Variants in GALNT17 observed in about 807,000 individuals in gnomAD.
GALNT17 encodes the protein UDP-GalNAc:polypeptide N-acetylgalactosaminyltransferase-like 3.
In GALNT17, 29 loss-of-function variants were observed where a neutral mutation model predicts 63.7. That is an observed-to-expected ratio of 0.46 (90% CI 0.34 to 0.62). GALNT17 has a LOEUF of 0.62. Among genes scored for constraint, GALNT17 ranks in the 20% least tolerant of loss-of-function variants. The pLI is 0.01. For missense variants in GALNT17, 603 were observed against 799.6 expected, an observed-to-expected ratio of 0.75 and a Z score of 2.97; for synonymous variants, 305 against 318.3, an observed-to-expected ratio of 0.96 and a Z score of 0.45.
chr7:71,450,271 A>T (rs1787236430), intron 5 of GALNT17, among the ~76,000 whole-genome samples: 1 of 151,608 alleles, frequency 6.6e-6, no homozygotes, highest in African/African-American at 2.4e-5. Context: ...GAGTAGTGGC[A>T]TTACAGGCAT....
At chr7:71,463,058 G>A (rs1787477859) in intron 5 of GALNT17, among the ~76,000 whole-genome samples, 1 of 152,162 alleles carries the variant, frequency 6.6e-6, no homozygotes, top group African/African-American at 2.4e-5. Context: ...GGTGGTTAGG[G>A]GTTTTGAGGG....
At chr7:71,509,806 C>T (rs747607100) in intron 5 of GALNT17, among the ~76,000 whole-genome samples, 16 of 152,084 alleles carry the variant, frequency 1.1e-4, no homozygotes, top group Admixed American at 2.0e-4. Flanking sequence ...TTCAACCTGC[C>T]GGAGATCCCC....
chr7:71,499,391 A>C (rs1195742725), intron 5 of GALNT17, among the ~76,000 whole-genome samples: 1 of 152,178 alleles, frequency 6.6e-6, no homozygotes, highest in African/African-American at 2.4e-5. Flanking sequence ...CGAGACCTCC[A>C]TGTCTACAAA....
At chr7:71,363,713 G>C (rs894817892) in intron 2 of GALNT17, among the ~76,000 whole-genome samples, 2 of 152,232 alleles carry the variant, frequency 1.3e-5, no homozygotes, top group East Asian at 3.8e-4. Context: ...GAGCAAAGAA[G>C]GATTCGCAGA....
At chr7:71,624,275 G>A (rs190078661) in intron 6 of GALNT17, among the ~76,000 whole-genome samples, 1 of 152,278 alleles carries the variant, frequency 6.6e-6, no homozygotes, top group East Asian at 1.9e-4. Flanking sequence ...CTCACACCAG[G>A]GCCTAGGATC....
At chr7:71,467,513 T>A (rs893541390) in intron 5 of GALNT17, among the ~76,000 whole-genome samples, 1 of 152,070 alleles carries the variant, frequency 6.6e-6, no homozygotes, top group Non-Finnish European at 1.5e-5. Context: ...CAAGGGACAA[T>A]TGCAAAAGCA....
intron 6 of GALNT17, among the ~76,000 whole-genome samples, chr7:71,595,302 T>G (rs549013320): frequency 1.7e-4 from 26 of 152,166 alleles, no homozygotes; most frequent in African/African-American, 6.3e-4. Context: ...TGGTGTCACA[T>G]GTCTGTAGTC....
chr7:71,281,788 C>G (rs1451086466), intron 1 of GALNT17, among the ~76,000 whole-genome samples: 2 of 152,160 alleles, frequency 1.3e-5, no homozygotes, highest in African/African-American at 4.8e-5. Flanking sequence ...TCCATTTTGA[C>G]CTAACCACCT....
At chr7:71,593,119 C>T (rs1170256891) in intron 6 of GALNT17, among the ~76,000 whole-genome samples, 1 of 151,230 alleles carries the variant, frequency 6.6e-6, no homozygotes, top group Admixed American at 6.6e-5. Flanking sequence ...CCTTGCACTG[C>T]AGTCTAGGCA....
chr7:71,665,601 G>A lies in GALNT17; in HGVS notation c.1266+5G>A. On this transcript the variant is annotated splice_donor_5th_base_variant and intron_variant, in intron 7 of 10. Transcript: ENST00000333538. ...GCGTGGAACCTGCCGCTGGAGGTAG[G>A]GATCACCAGCCTTTCCCCACCACCC... 6.2e-7 allele frequency: 1 copy of A among 1,611,296 alleles called. No homozygotes were observed. Among genetic ancestry groups the A allele is most frequent in the Non-Finnish European group, 8.5e-7 (1 of 1,179,098 alleles).
intron 6 of GALNT17, among the ~76,000 whole-genome samples, chr7:71,589,779 C>T (rs1789771716): frequency 6.6e-6 from 1 of 152,132 alleles, no homozygotes; most frequent in Admixed American, 6.6e-5. Flanking sequence ...ATAAATAGAA[C>T]AGCCGGAACT....
At chr7:71,201,725 G>A (rs746264991) in intron 1 of GALNT17, among the ~76,000 whole-genome samples, 4 of 151,128 alleles carry the variant, frequency 2.6e-5, no homozygotes, top group Admixed American at 6.6e-5. Flanking sequence ...TCCGCCTCCC[G>A]GGTTCAAGCA....
chr7:71,670,567 G>A (rs1025048683), intron 8 of GALNT17, among the ~76,000 whole-genome samples: 1 of 152,158 alleles, frequency 6.6e-6, no homozygotes, highest in East Asian at 1.9e-4. Context: ...AAAGCAAAGC[G>A]ATTTTTCTCT....
At chr7:71,588,944 A>G (rs1789759445) in intron 6 of GALNT17, among the ~76,000 whole-genome samples, 1 of 152,126 alleles carries the variant, frequency 6.6e-6, no homozygotes, top group Non-Finnish European at 1.5e-5. Flanking sequence ...ATCTTTGCAT[A>G]CCAAAACTGA....
In GALNT17 at chr7:71,549,891, C is replaced by T. The variant is rs181541538; in HGVS notation, c.963-21394C>T. Among the ~76,000 whole-genome samples, 19 of 151,804 alleles carry T rather than the reference C, an allele frequency of 1.3e-4. No individual in the cohort carries two copies. In the East Asian group the frequency reaches 3.0e-3, roughly 24 times the overall value. ...TCTCCGTAAAAGCATCCAGAGAAAG[C>T]GTGTGGCTTTCTCAGCTATATTCTG... On this transcript the variant is annotated intron_variant, in intron 5 of 10. Transcript: ENST00000333538.
intron 4 of GALNT17, among the ~76,000 whole-genome samples, chr7:71,418,915 T>C (rs528185480): frequency 4.1e-4 from 63 of 152,180 alleles, no homozygotes; most frequent in African/African-American, 1.5e-3. Context: ...CTAGCCAACA[T>C]GGCGAAACCC....
At chr7:71,470,151 G>A (rs190077280) in intron 5 of GALNT17, among the ~76,000 whole-genome samples, 2 of 152,254 alleles carry the variant, frequency 1.3e-5, no homozygotes, top group African/African-American at 4.8e-5. Context: ...AGAGGCTGCA[G>A]TGAGCCAAGA....
At chr7:71,387,864 A>G (rs943111355) in intron 2 of GALNT17, among the ~76,000 whole-genome samples, 2 of 152,118 alleles carry the variant, frequency 1.3e-5, no homozygotes, top group Non-Finnish European at 1.5e-5. Flanking sequence ...TTCACCTCCA[A>G]AATAAACTAC....
intron 5 of GALNT17, among the ~76,000 whole-genome samples, chr7:71,556,719 C>A (rs1207853282): frequency 6.6e-6 from 1 of 151,798 alleles, no homozygotes; most frequent in Non-Finnish European, 1.5e-5. Flanking sequence ...GCCACCACAC[C>A]CAGCTATTTT....
Sources: allele counts gnomAD v4.1 joint callset (sites outside exome capture counted in the v4.1 genomes callset), GRCh38; gene constraint gnomAD v4.1.1; transcripts MANE v1.5; gene names NCBI Gene and HGNC (gene_info 2026-07-23, HGNC 2026-07-21).